Variants in GAS7 observed in about 807,000 individuals in gnomAD.
GAS7 encodes the protein growth arrest specific 7.
GAS7 carries 28 observed loss-of-function variants against 71.1 expected under a neutral mutation model. That is an observed-to-expected ratio of 0.39 (90% CI 0.29 to 0.54). The LOEUF (loss-of-function observed/expected upper bound fraction) is 0.54, where lower values mean the gene tolerates loss of function less well. GAS7 is among the 20% of genes least tolerant of loss of function. The pLI, the probability that GAS7 is intolerant of heterozygous loss-of-function variation, is 0.62. For missense variants in GAS7, 436 were observed against 627.8 expected (o/e 0.69, Z 3.27); for synonymous variants, 258 against 245.8 (o/e 1.05, Z -0.46).
chr17:9,912,058 T>C lies in GAS7; in HGVS notation c.*5170A>G, dbSNP rs2067452567. 1 of 231,922 alleles carries C rather than the reference T, an allele frequency of 4.3e-6. No individual in the cohort carries two copies. Among genetic ancestry groups the C allele is most frequent in the Non-Finnish European group, 8.5e-6 (1 of 117,312 alleles). 14.4% of individuals were successfully genotyped at this position (231,922 alleles called of 1,614,324 possible). ...CCATCTTCACGCCTGTCCTGGCTCCTGGGGAGTAGACTCCAGAACATACTA... is the reference window on the plus strand; with the variant it reads ...CCATCTTCACGCCTGTCCTGGCTCCCGGGGAGTAGACTCCAGAACATACTA... On this transcript the variant is annotated 3_prime_UTR_variant, in exon 14 of 14. Coordinates refer to ENST00000432992, the MANE Select transcript of GAS7 (RefSeq NM_201433.2).
At chr17:10,044,321 G>A (rs978835899) in intron 1 of GAS7, among the ~76,000 whole-genome samples, 1 of 152,214 alleles carries the variant, frequency 6.6e-6, no homozygotes, top group Non-Finnish European at 1.5e-5. Flanking sequence ...ATGACAAGCC[G>A]ATGCTCTCAA....
At position 9,991,752 on chromosome 17, in the gene GAS7, G is replaced by T. The variant is rs1378906180; in HGVS notation, c.305-9868C>A. Among the ~76,000 whole-genome samples, 3 of 152,230 alleles carry T rather than the reference G, an allele frequency of 2.0e-5. No homozygotes were observed. The East Asian group carries it at 5.8e-4, about 29-fold the overall frequency. ...AAGACGATCACTGACCCAAACTTGG[G>T]TTGAAGGGCAAGGAAGGTTGACTGC... On this transcript the variant is annotated intron_variant, in intron 2 of 13. Coordinates refer to ENST00000432992, the MANE Select transcript of GAS7 (RefSeq NM_201433.2).
At chr17:10,126,513 A>G (rs1485917874) in intron 1 of GAS7, among the ~76,000 whole-genome samples, 2 of 137,628 alleles carry the variant, frequency 1.5e-5, no homozygotes, top group African/African-American at 2.8e-5. Context: ...AACACGTATC[A>G]CACACGCACA....
chr17:10,132,611 CA>C (rs1033588998), intron 1 of GAS7, among the ~76,000 whole-genome samples: 3 of 151,954 alleles, frequency 2.0e-5, no homozygotes, highest in Non-Finnish European at 4.4e-5. Flanking sequence ...ACTAAAAATA[CA>C]AAAAAATTAT....
At chr17:9,927,335 A>ACACACACACACACACACAC (rs57345129) in intron 9 of GAS7, among the ~76,000 whole-genome samples, 1 of 149,500 alleles carries the variant, frequency 6.7e-6, no homozygotes, top group South Asian at 2.1e-4. Flanking sequence ...ACACACACAC[A>ACACACACACACACACACAC]AATTAGCTGG....
At chr17:10,014,621 T>A (rs1167674816) in intron 2 of GAS7, among the ~76,000 whole-genome samples, 2 of 151,746 alleles carry the variant, frequency 1.3e-5, no homozygotes, top group East Asian at 3.9e-4. Context: ...GGCCGCCCCC[T>A]CCCCCTGCAA....
chr17:10,097,375 TG>T (rs1200943464), intron 1 of GAS7, among the ~76,000 whole-genome samples: 6 of 152,194 alleles, frequency 3.9e-5, no homozygotes, highest in Non-Finnish European at 5.9e-5. Flanking sequence ...ACTCCCCGGA[TG>T]GGGTTACTCA....
intron 6 of GAS7, among the ~76,000 whole-genome samples, chr17:9,945,871 C>G (rs2068767704): frequency 1.3e-5 from 2 of 151,986 alleles, no homozygotes; most frequent in Non-Finnish European, 2.9e-5. Flanking sequence ...GTAGTCCCAG[C>G]TGCTCAGGAG....
chr17:10,023,650 G>A lies in GAS7; in HGVS notation c.184-3753C>T, dbSNP rs139110202. On this transcript the variant is annotated intron_variant, in intron 1 of 13. Coordinates refer to ENST00000432992, the MANE Select transcript of GAS7 (RefSeq NM_201433.2). ...TGCCCAGAATGGGCAGAGCCATAGA[G>A]ACAGAAACAGATTTGTCTTTTCCAG... Among the ~76,000 whole-genome samples, 5 of 152,360 alleles carry A rather than the reference G, an allele frequency of 3.3e-5. No homozygotes were observed. In the East Asian group the frequency reaches 9.6e-4, roughly 29 times the overall value.
At chr17:10,132,896 G>A (rs2142088584) in intron 1 of GAS7, among the ~76,000 whole-genome samples, 1 of 151,996 alleles carries the variant, frequency 6.6e-6, no homozygotes, top group South Asian at 2.1e-4. Context: ...CACAGGCTTA[G>A]CAGCTGCACC....
chr17:10,123,585 A>C (rs868468353), intron 1 of GAS7, among the ~76,000 whole-genome samples: 11 of 152,218 alleles, frequency 7.2e-5, no homozygotes, highest in Admixed American at 3.9e-4. Context: ...ATCATCACTC[A>C]AACAATCTGT....
At chr17:10,050,108 A>C (rs2073042654) in intron 1 of GAS7, among the ~76,000 whole-genome samples, 1 of 152,188 alleles carries the variant, frequency 6.6e-6, no homozygotes, top group Non-Finnish European at 1.5e-5. Context: ...AAAAATTCTA[A>C]GCTTATTTTC....
chr17:10,084,092 T>A (rs371511138), intron 1 of GAS7, among the ~76,000 whole-genome samples: 2 of 152,160 alleles, frequency 1.3e-5, no homozygotes, highest in East Asian at 1.9e-4. Context: ...TGCTTAAACC[T>A]GGGTGGTGGA....
chr17:10,104,850 C>T (rs1467019577), intron 1 of GAS7, among the ~76,000 whole-genome samples: 1 of 152,194 alleles, frequency 6.6e-6, no homozygotes, highest in African/African-American at 2.4e-5. Flanking sequence ...TCTTGTTCCA[C>T]TTTTCATCCC....
At chr17:10,142,922 G>A (rs555477574) in intron 1 of GAS7, among the ~76,000 whole-genome samples, 24 of 151,864 alleles carry the variant, frequency 1.6e-4, no homozygotes, top group Admixed American at 3.9e-4. Context: ...TGTAATCCCC[G>A]CACTTTGGGA....
intron 1 of GAS7, among the ~76,000 whole-genome samples, chr17:10,156,611 C>A (rs906395665): frequency 1.3e-5 from 2 of 152,100 alleles, no homozygotes; most frequent in Admixed American, 1.3e-4. Flanking sequence ...ACCCTCGCAC[C>A]CTCTGGCTAC....
intron 2 of GAS7, among the ~76,000 whole-genome samples, chr17:9,987,580 C>A (rs1186471597): frequency 6.6e-6 from 1 of 152,140 alleles, no homozygotes; most frequent in African/African-American, 2.4e-5. Flanking sequence ...GAGTTCAAGT[C>A]CAGCCTGGAC....
intron 5 of GAS7, among the ~76,000 whole-genome samples, chr17:9,947,953 A>C (rs1361889538): frequency 6.6e-6 from 1 of 152,106 alleles, no homozygotes; most frequent in Non-Finnish European, 1.5e-5. Context: ...GAGGATGAAG[A>C]CCTTGAGGAT....
chr17:10,143,613 C>A (rs1410230811), intron 1 of GAS7, among the ~76,000 whole-genome samples: 1 of 150,970 alleles, frequency 6.6e-6, no homozygotes, highest in East Asian at 1.9e-4. Flanking sequence ...GGTCCTAATC[C>A]AACATGCCTG....
Sources: gnomAD v4.1 joint callset for allele counts (sites outside exome capture counted in the v4.1 genomes callset) on GRCh38, gnomAD v4.1.1 for gene constraint, MANE v1.5 for transcripts, NCBI Gene and HGNC (gene_info 2026-07-23, HGNC 2026-07-21) for gene names.